The following TTC28 variants were observed in gnomAD, a reference collection of about 807,000 sequenced individuals.
The protein encoded by TTC28 is tetratricopeptide repeat domain 28.
TTC28 carries 61 observed loss-of-function variants against 198.0 expected under a neutral mutation model. That is an observed-to-expected ratio of 0.31 (90% confidence interval 0.25 to 0.38). The LOEUF (loss-of-function observed/expected upper bound fraction) is 0.38. Ranked by LOEUF, TTC28 falls within the 10% of genes least tolerant of loss-of-function variation. The pLI, the probability that TTC28 is intolerant of heterozygous loss-of-function variation, is 1.00. For missense variants in TTC28, 2,678 were observed against 3,164.0 expected, an observed-to-expected ratio of 0.85 and a Z score of 3.69; for synonymous variants, 1,171 against 1,297.8, an observed-to-expected ratio of 0.90 and a Z score of 2.10.
chr22:28,215,602 C>T (rs557897531), intron 5 of TTC28, among the ~76,000 whole-genome samples: 1 of 152,076 alleles, frequency 6.6e-6, no homozygotes, highest in African/African-American at 2.4e-5. Flanking sequence ...TTAAAGCATG[C>T]ACACATGGTG....
At chr22:28,191,066 C>T (rs901021558) in intron 5 of TTC28, among the ~76,000 whole-genome samples, 2 of 152,152 alleles carry the variant, frequency 1.3e-5, no homozygotes, top group African/African-American at 2.4e-5. Context: ...TTTTTAGTAT[C>T]ATCTCCCTCC....
intron 5 of TTC28, among the ~76,000 whole-genome samples, chr22:28,257,741 T>C (rs1193552515): frequency 7.1e-5 from 1 of 14,074 alleles, no homozygotes; most frequent in East Asian, 2.2e-3. Context: ...TAATAGAACA[T>C]ATATATATAT....
intron 2 of TTC28, among the ~76,000 whole-genome samples, chr22:28,551,059 A>C (rs1055558059): frequency 7.2e-5 from 11 of 152,078 alleles, no homozygotes; most frequent in African/African-American, 2.7e-4. Flanking sequence ...CAAATTTATA[A>C]AACAATTACT....
At chr22:28,301,815 G>A (rs1360266922) in intron 3 of TTC28, among the ~76,000 whole-genome samples, 1 of 152,050 alleles carries the variant, frequency 6.6e-6, no homozygotes, top group African/African-American at 2.4e-5. Flanking sequence ...TGGGAGCCAA[G>A]GCCAATGGCC....
At chr22:28,135,810 G>C (rs190133823) in intron 6 of TTC28, among the ~76,000 whole-genome samples, 1 of 152,052 alleles carries the variant, frequency 6.6e-6, no homozygotes, top group Admixed American at 6.6e-5. Context: ...TATTATATTA[G>C]GGTCATTTCA....
chr22:28,028,052 C>T (rs906896506), intron 13 of TTC28, among the ~76,000 whole-genome samples: 2 of 152,240 alleles, frequency 1.3e-5, no homozygotes, highest in South Asian at 2.1e-4. Context: ...CCAGAGAACA[C>T]GCAGTGTTGC....
At chr22:28,169,605 G>T (rs1001739571) in intron 5 of TTC28, among the ~76,000 whole-genome samples, 1 of 152,086 alleles carries the variant, frequency 6.6e-6, no homozygotes, top group African/African-American at 2.4e-5. Context: ...TCACTCATAG[G>T]TGGGAACTGA....
At chr22:28,098,511 A>C (rs555999765) in intron 10 of TTC28, among the ~76,000 whole-genome samples, 1 of 151,268 alleles carries the variant, frequency 6.6e-6, no homozygotes, top group Non-Finnish European at 1.5e-5. Flanking sequence ...CAGGAGTTCG[A>C]GACCAGGCTG....
chr22:28,482,940 A>G (rs2048272224), intron 2 of TTC28, among the ~76,000 whole-genome samples: 1 of 152,154 alleles, frequency 6.6e-6, no homozygotes, highest in South Asian at 2.1e-4. Flanking sequence ...TTTTCATTAT[A>G]GGTATATACC....
intron 2 of TTC28, among the ~76,000 whole-genome samples, chr22:28,415,418 T>C (rs1055863664): frequency 7.9e-5 from 12 of 152,140 alleles, no homozygotes; most frequent in African/African-American, 2.9e-4. Context: ...AAACATATTT[T>C]CAATGTGACT....
chr22:28,211,103 G>A (rs1926911113), intron 5 of TTC28, among the ~76,000 whole-genome samples: 1 of 152,084 alleles, frequency 6.6e-6, no homozygotes, highest in Non-Finnish European at 1.5e-5. Context: ...GTCACCACCA[G>A]GCCTGCCCTA....
intron 2 of TTC28, among the ~76,000 whole-genome samples, chr22:28,337,286 T>C (rs1355185114): frequency 6.6e-6 from 1 of 152,284 alleles, no homozygotes; most frequent in South Asian, 2.1e-4. Context: ...GGAATAGGTG[T>C]GGTGTGGTGC....
intron 1 of TTC28, among the ~76,000 whole-genome samples, chr22:28,654,728 A>G (rs917327711): frequency 6.6e-6 from 1 of 152,204 alleles, no homozygotes; most frequent in Admixed American, 6.5e-5. Context: ...CGTCACTTCA[A>G]CCATCTTCAG....
chr22:28,160,100 A>C (rs1921001344), intron 6 of TTC28, among the ~76,000 whole-genome samples: 1 of 152,204 alleles, frequency 6.6e-6, no homozygotes, highest in African/African-American at 2.4e-5. Context: ...GGGAATGGCT[A>C]ATGGGTATCA....
chr22:28,424,587 G>C (rs1291133294), intron 2 of TTC28, among the ~76,000 whole-genome samples: 1 of 152,118 alleles, frequency 6.6e-6, no homozygotes, highest in East Asian at 1.9e-4. Flanking sequence ...TTTGAATACA[G>C]TACCAGGTAA....
At chr22:28,641,333 A>G (rs2051362291) in intron 1 of TTC28, among the ~76,000 whole-genome samples, 1 of 152,174 alleles carries the variant, frequency 6.6e-6, no homozygotes, top group African/African-American at 2.4e-5. Context: ...AAAAAAAAAA[A>G]ATAAAGAAAT....
At position 28,257,779 on chromosome 22, in the gene TTC28, T is replaced by TATATATATATA. The variant is rs1931050344; in HGVS notation, c.933+38418_933+38419insTATATATATAT. Among the ~76,000 whole-genome samples, 6 of 120,572 alleles carry TATATATATATA rather than the reference T, an allele frequency of 5.0e-5. 1 individual carries two copies. The South Asian group carries it at 1.6e-3, about 32-fold the overall frequency. 79.1% of individuals were successfully genotyped at this position (120,572 alleles called of 152,430 possible). On this transcript the variant is annotated intron_variant, in intron 5 of 22. Coordinates refer to ENST00000397906, the MANE Select transcript of TTC28 (RefSeq NM_001145418.2). ...ATATATATATATATATATATATATA[T>TATATATATATA]ATCTTCTACTTCAATAAAAAATAAA... is the stretch of plus-strand genomic sequence containing the variant.
At position 28,214,342 on chromosome 22, in the gene TTC28, G is replaced by A. The variant is rs572945173; in HGVS notation, c.934-50743C>T. Among the ~76,000 whole-genome samples the A allele has an allele frequency of 2.0e-4, 31 of 152,202 alleles. No individual in the cohort carries two copies. In the South Asian group the frequency reaches 6.2e-3, roughly 31 times the overall value. On this transcript the variant is annotated intron_variant, in intron 5 of 22. Transcript: ENST00000397906. Reference sequence around the variant, plus strand: ...AAGAAACTACCATCAGAGTGAACAGGCAACCTACAGAAAGGGAGAAAATTT... The same window carrying A: ...AAGAAACTACCATCAGAGTGAACAGACAACCTACAGAAAGGGAGAAAATTT...
chr22:28,065,523 C>T (rs541179324), intron 12 of TTC28, among the ~76,000 whole-genome samples: 1 of 152,104 alleles, frequency 6.6e-6, no homozygotes, highest in Admixed American at 6.6e-5. Context: ...AAGAAAACAC[C>T]CTATAAGGCC....
Sources: gnomAD v4.1 joint callset for allele counts (sites outside exome capture counted in the v4.1 genomes callset) on GRCh38, gnomAD v4.1.1 for gene constraint, MANE v1.5 for transcripts, NCBI Gene and HGNC (gene_info 2026-07-23, HGNC 2026-07-21) for gene names.